Variants in LUZP1 observed in about 807,000 individuals in gnomAD.
LUZP1 encodes leucine zipper protein 1.
Under a neutral mutation model 71.3 loss-of-function variants are expected in LUZP1, and 25 were observed. The observed-to-expected ratio is 0.35, with a 90% confidence interval of 0.26 to 0.49. The LOEUF (loss-of-function observed/expected upper bound fraction) is 0.49, where lower values mean the gene tolerates loss of function less well. LUZP1 is among the 20% of genes least tolerant of loss of function. LUZP1 has a pLI of 0.99. For missense variants in LUZP1, 1,142 were observed against 1,300.8 expected (o/e 0.88, Z 1.88); for synonymous variants, 481 against 506.4 (o/e 0.95, Z 0.67).
At chr1:23,133,188 A>G (rs1184897498) in intron 2 of LUZP1, among the ~76,000 whole-genome samples, 1 of 152,250 alleles carries the variant, frequency 6.6e-6, no homozygotes, top group Non-Finnish European at 1.5e-5. Context: ...TGGGAAACTA[A>G]ACTACAAAAT....
intron 1 of LUZP1, among the ~76,000 whole-genome samples, chr1:23,174,283 C>A (rs1194139555): frequency 1.3e-5 from 2 of 152,130 alleles, no homozygotes; most frequent in South Asian, 2.1e-4. Flanking sequence ...TGAGAGAGAG[C>A]AAATTTTCCT....
At position 23,092,894 on chromosome 1, in the gene LUZP1, T is replaced by C. The variant is rs777628192; in HGVS notation, c.1368A>G (p.Val456=). Reference sequence around the variant, plus strand: ...TCCCTTCGCTCTGGGAGGAGCCGGGTACAAACCGGTCTTCAGTTTTCTTTG... The same window carrying C: ...TCCCTTCGCTCTGGGAGGAGCCGGGCACAAACCGGTCTTCAGTTTTCTTTG... The change falls in exon 4 of 5, where the codon GTA becomes GTG. Residue 456 remains valine (V), a synonymous_variant. Transcript: ENST00000302291. The C allele has an allele frequency of 3.7e-6, 6 of 1,613,718 alleles. No individual in the cohort carries two copies. The East Asian group carries it at 1.1e-4, about 30-fold the overall frequency.
At position 23,138,629 on chromosome 1, in the gene LUZP1, A is replaced by G. The variant is rs35145334; in HGVS notation, c.-225-29502T>C. On this transcript the variant is annotated intron_variant, in intron 2 of 4. Coordinates refer to ENST00000302291, the Ensembl canonical transcript of LUZP1. The stretch of plus-strand genomic sequence containing the variant: ...TTTTTTAAAGCACCGAATTATACAC[A>G]TAAAATGATTTTTATGGTATATGGA... 7.5e-3 allele frequency among the ~76,000 whole-genome samples: 1,145 copies of G among 151,806 alleles called. 6 individuals carry two copies. The highest frequency in any genetic ancestry group is 0.014 in the Non-Finnish European group (918 of 67,952).
At chr1:23,125,831 T>TTGCCTGCC (rs546599548) in intron 2 of LUZP1, among the ~76,000 whole-genome samples, 2 of 152,172 alleles carry the variant, frequency 1.3e-5, no homozygotes, top group Admixed American at 6.5e-5. Flanking sequence ...AAGCAAGTAC[T>TTGCCTGCC]TGCCTGCCTG....
At chr1:23,121,754 G>A (rs1398378267) in intron 2 of LUZP1, among the ~76,000 whole-genome samples, 1 of 152,092 alleles carries the variant, frequency 6.6e-6, no homozygotes, top group African/African-American at 2.4e-5. Context: ...GCTCACGCCT[G>A]TAATCTCAGC....
At chr1:23,163,816 A>C (rs1407380152) in intron 2 of LUZP1, 1 of 152,222 alleles carries the variant, frequency 6.6e-6, no homozygotes, top group Non-Finnish European at 1.5e-5. Flanking sequence ...CCTGAGCATC[A>C]ATCATACCTG....
Position 23,091,781 on chromosome 1 carries a change from C to A in LUZP1, c.2481G>T (p.Gly827=), listed in dbSNP as rs1347626353. Reference sequence around the variant, plus strand: ...TGCTAACTGATGTGAGCTCTGCCAGCCCCACCTGGATATTGCTAGTGGATG... The same window carrying A: ...TGCTAACTGATGTGAGCTCTGCCAGACCCACCTGGATATTGCTAGTGGATG... The change falls in exon 4 of 5, where the codon GGG becomes GGT. Residue 827 remains glycine (G), a synonymous_variant. Transcript: ENST00000302291. 4 of 1,613,916 alleles carry A rather than the reference C, an allele frequency of 2.5e-6. No individual in the cohort carries two copies. In the African/African-American group the frequency reaches 5.3e-5, roughly 22 times the overall value.
chr1:23,113,790 G>GA (rs1333806943), intron 2 of LUZP1, among the ~76,000 whole-genome samples: 2 of 151,856 alleles, frequency 1.3e-5, no homozygotes, highest in Non-Finnish European at 2.9e-5. Context: ...TGAGGCAGGA[G>GA]AATCGCCTGA....
chr1:23,110,635 T>TACACACACACACAC (rs1553137224), intron 2 of LUZP1, among the ~76,000 whole-genome samples: 151 of 41,916 alleles, frequency 3.6e-3, no homozygotes, highest in African/African-American at 9.5e-3. Flanking sequence ...CGCGCACACA[T>TACACACACACACAC]ACACACACAC....
At chr1:23,170,019 C>T (rs879615731) in intron 1 of LUZP1, among the ~76,000 whole-genome samples, 3 of 151,996 alleles carry the variant, frequency 2.0e-5, no homozygotes, top group Admixed American at 6.6e-5. Context: ...CCAAACTTCT[C>T]TTAGCACACC....
At chr1:23,088,791 G>A in exon 5 of LUZP1, 2 of 1,464,316 alleles carry the variant, frequency 1.4e-6, no homozygotes, top group East Asian at 4.6e-5. Flanking sequence ...TCCAGCCAAG[G>A]CTTGTGTCTT....
At chr1:23,108,212 T>C (rs1569580501) in intron 3 of LUZP1, among the ~76,000 whole-genome samples, 1 of 152,222 alleles carries the variant, frequency 6.6e-6, no homozygotes, top group East Asian at 1.9e-4. Flanking sequence ...AAGAACCTAA[T>C]TGTTGATCAA....
chr1:23,129,051 C>A (rs1397312026), intron 2 of LUZP1, among the ~76,000 whole-genome samples: 1 of 152,164 alleles, frequency 6.6e-6, no homozygotes, highest in African/African-American at 2.4e-5. Context: ...ATGAATGTCA[C>A]AAAGTGCATT....
At chr1:23,090,523 A>G (rs1643836394) in intron 4 of LUZP1, 3 of 240,622 alleles carry the variant, frequency 1.2e-5, no homozygotes, top group Non-Finnish European at 8.0e-6. Context: ...TGAGCCTCAC[A>G]CTCACATAAG....
intron 2 of LUZP1, among the ~76,000 whole-genome samples, chr1:23,144,581 A>G (rs1403410726): frequency 6.6e-6 from 1 of 152,150 alleles, no homozygotes; most frequent in East Asian, 1.9e-4. Context: ...AGTTCCTGGC[A>G]GATGTGATAT....
exon 4 of LUZP1, chr1:23,092,532 C>A: frequency 6.2e-7 from 1 of 1,614,180 alleles, no homozygotes; most frequent in Non-Finnish European, 8.5e-7. Flanking sequence ...TTTAGAGAGC[C>A]CTTCTGAGGA....
At chr1:23,141,266 G>A (rs928432442) in intron 2 of LUZP1, 1 of 152,298 alleles carries the variant, frequency 6.6e-6, no homozygotes, top group Non-Finnish European at 1.5e-5. Flanking sequence ...GAGTTCAGGG[G>A]AGCCAGGCAA....
chr1:23,107,785 G>A (rs144164495), intron 3 of LUZP1, among the ~76,000 whole-genome samples: 4,815 of 152,240 alleles, frequency 0.032, 249 homozygotes, highest in African/African-American at 0.11. Flanking sequence ...CTCCAGCCTC[G>A]GCAACAGAGC....
At chr1:23,102,477 T>C (rs1267734375) in intron 3 of LUZP1, among the ~76,000 whole-genome samples, 1 of 152,206 alleles carries the variant, frequency 6.6e-6, no homozygotes, top group Non-Finnish European at 1.5e-5. Flanking sequence ...GCAAACTTTT[T>C]TTTAAAAAGT....
Sources: allele counts gnomAD v4.1 joint callset (sites outside exome capture counted in the v4.1 genomes callset), GRCh38; gene constraint gnomAD v4.1.1; transcripts MANE v1.5; gene names NCBI Gene and HGNC (gene_info 2026-07-23, HGNC 2026-07-21).